The following DEPTOR variants were observed in gnomAD, a reference collection of about 807,000 sequenced individuals.
DEPTOR encodes the protein DEP domain-containing mTOR-interacting protein.
Under a neutral mutation model 41.6 loss-of-function variants are expected in DEPTOR, and 41 were observed. The ratio of observed to expected loss-of-function variants is 0.98; its 90% CI spans 0.77 to 1.28. DEPTOR has a LOEUF of 1.28. DEPTOR is among the 50% of genes most tolerant of loss of function. The pLI, the probability that DEPTOR is intolerant of heterozygous loss-of-function variation, is 0.00. For missense variants in DEPTOR, 514 were observed against 527.9 expected (o/e 0.97, Z 0.26); for synonymous variants, 195 against 192.3 (o/e 1.01, Z -0.12).
intron 3 of DEPTOR, among the ~76,000 whole-genome samples, chr8:119,960,705 C>T (rs1417108827): frequency 6.6e-6 from 1 of 152,074 alleles, no homozygotes; most frequent in African/African-American, 2.4e-5. Flanking sequence ...TTGAGAAAAA[C>T]AAGGTCGAAT....
intron 1 of DEPTOR, among the ~76,000 whole-genome samples, chr8:119,919,037 A>G (rs1174704516): frequency 6.6e-6 from 1 of 152,058 alleles, no homozygotes; most frequent in Non-Finnish European, 1.5e-5. Context: ...CTCTGTTTAT[A>G]TAAACCAGTT....
At chr8:119,942,362 C>T (rs1363656661) in intron 3 of DEPTOR, among the ~76,000 whole-genome samples, 15 of 152,254 alleles carry the variant, frequency 9.9e-5, no homozygotes, top group South Asian at 6.2e-4. Flanking sequence ...TGTGCCACCA[C>T]GCCTGGCTAA....
chr8:120,018,384 C>A (rs892772576), intron 8 of DEPTOR, among the ~76,000 whole-genome samples: 7 of 152,142 alleles, frequency 4.6e-5, no homozygotes, highest in African/African-American at 1.4e-4. Flanking sequence ...TCGAGACCAG[C>A]CTGGCCAACA....
intron 3 of DEPTOR, among the ~76,000 whole-genome samples, chr8:119,933,244 C>T (rs1214347397): frequency 6.6e-6 from 1 of 151,872 alleles, no homozygotes; most frequent in Non-Finnish European, 1.5e-5. Context: ...AATCCCAGCA[C>T]CTTGGGAGGC....
At chr8:119,892,080 C>T (rs1374946743) in intron 1 of DEPTOR, among the ~76,000 whole-genome samples, 2 of 152,114 alleles carry the variant, frequency 1.3e-5, no homozygotes, top group Admixed American at 6.6e-5. Flanking sequence ...CTCACTGCAA[C>T]CTCCACCTCC....
In DEPTOR at chr8:120,006,816, C is replaced by T. The variant is rs1311666394; in HGVS notation, c.937C>T (p.Pro313Ser). Residue 313 changes from proline (P) to serine (S), a missense_variant, in exon 7 of 9, where the codon CCT (proline) becomes TCT (serine). Physicochemically the swap from Pro to Ser is moderately conservative, Grantham distance 74. Coordinates refer to ENST00000286234, the MANE Select transcript of DEPTOR (RefSeq NM_022783.4). The part of the protein sequence containing the change: ...LCNPKSVLKR[P>S]VTSEELLTPG... ...TGTTTGTCTGCCAGTGCTGAAGAGACCTGTCACCTCTGAGGAACTCCTTAC... is the reference window on the plus strand; with the variant it reads ...TGTTTGTCTGCCAGTGCTGAAGAGATCTGTCACCTCTGAGGAACTCCTTAC... 2.5e-6 allele frequency: 4 copies of T among 1,613,976 alleles called. No individual in the cohort carries two copies. Among genetic ancestry groups the T allele is most frequent in the African/African-American group, 1.3e-5 (1 of 74,914 alleles).
At chr8:119,995,491 C>G (rs1044444075) in intron 4 of DEPTOR, among the ~76,000 whole-genome samples, 4 of 151,048 alleles carry the variant, frequency 2.6e-5, no homozygotes, top group African/African-American at 9.7e-5. Context: ...GGGACTAAGG[C>G]AGGAGAGTCA....
In DEPTOR at chr8:119,941,650, G is replaced by A. The variant is rs112689902; in HGVS notation, c.425+11712G>A. Among the ~76,000 whole-genome samples, 77 of 152,256 alleles carry A rather than the reference G, an allele frequency of 5.1e-4. 1 individual carries two copies. The highest frequency in any genetic ancestry group is 1.5e-3 in the African/African-American group (62 of 41,564). On this transcript the variant is annotated intron_variant, in intron 3 of 8. Transcript: ENST00000286234. The stretch of plus-strand genomic sequence containing the variant: ...ATGATGAAGGCAGCAAACCCAGGGC[G>A]AGTAGCCCTTACTGATGCTTATTGT...
intron 4 of DEPTOR, among the ~76,000 whole-genome samples, chr8:119,986,971 G>A (rs1478329970): frequency 6.6e-6 from 1 of 151,796 alleles, no homozygotes; most frequent in African/African-American, 2.4e-5. Flanking sequence ...CACTGGGTCA[G>A]AACATGCTCT....
chr8:119,996,873 T>C (rs1812268272), intron 4 of DEPTOR, among the ~76,000 whole-genome samples: 1 of 152,174 alleles, frequency 6.6e-6, no homozygotes, highest in African/African-American at 2.4e-5. Flanking sequence ...CTTGAGGATT[T>C]TTTAAAAATC....
At chr8:119,895,215 T>C (rs1352167934) in intron 1 of DEPTOR, among the ~76,000 whole-genome samples, 1 of 152,234 alleles carries the variant, frequency 6.6e-6, no homozygotes, top group East Asian at 1.9e-4. Flanking sequence ...CTCATTATTC[T>C]AGTGACTTAA....
At chr8:120,029,665 G>A (rs1172631486) in intron 8 of DEPTOR, among the ~76,000 whole-genome samples, 5 of 152,046 alleles carry the variant, frequency 3.3e-5, no homozygotes, top group Admixed American at 2.0e-4. Context: ...CAAAGTGCTG[G>A]GATTACAGGC....
At chr8:120,044,072 A>C (rs1165254270) in intron 8 of DEPTOR, among the ~76,000 whole-genome samples, 5 of 124,230 alleles carry the variant, frequency 4.0e-5, no homozygotes, top group East Asian at 2.2e-4. Flanking sequence ...CTAGCCTAAC[A>C]AAAAAAAAAA....
intron 8 of DEPTOR, among the ~76,000 whole-genome samples, chr8:120,030,499 T>A (rs1812872437): frequency 1.3e-5 from 1 of 74,564 alleles, no homozygotes; most frequent in African/African-American, 8.3e-5. Context: ...GTTCATCAGT[T>A]TTTTTTTTTT....
chr8:120,028,617 C>T lies in DEPTOR; in HGVS notation c.1101+19484C>T, dbSNP rs770340668. On this transcript the variant is annotated intron_variant, in intron 8 of 8. Transcript: ENST00000286234. The stretch of plus-strand genomic sequence containing the variant: ...CAGGGATTACAGGCGCCTGCCACCA[C>T]ACCCAGCTCATTTTTTGTGTGTTTT... Among the ~76,000 whole-genome samples, 7 of 151,654 alleles carry T rather than the reference C, an allele frequency of 4.6e-5. No individual in the cohort carries two copies. The East Asian group carries it at 1.4e-3, about 30-fold the overall frequency.
chr8:119,972,704 T>G (rs140777596), intron 4 of DEPTOR, among the ~76,000 whole-genome samples: 2 of 151,538 alleles, frequency 1.3e-5, no homozygotes, highest in African/African-American at 4.8e-5. Flanking sequence ...ATCAAGACAG[T>G]CTAGCTTCAG....
At chr8:119,961,034 T>C (rs1343005712) in intron 3 of DEPTOR, among the ~76,000 whole-genome samples, 1 of 151,984 alleles carries the variant, frequency 6.6e-6, no homozygotes, top group East Asian at 1.9e-4. Context: ...TCAAAGTTAT[T>C]AAGTGACTCA....
intron 8 of DEPTOR, among the ~76,000 whole-genome samples, chr8:120,032,853 G>A (rs1231610765): frequency 6.6e-6 from 1 of 152,164 alleles, no homozygotes; most frequent in Non-Finnish European, 1.5e-5. Context: ...TCTGAAAAAT[G>A]TAGCTCTGTT....
intron 4 of DEPTOR, among the ~76,000 whole-genome samples, chr8:119,967,013 G>A (rs139630171): frequency 1.5e-3 from 222 of 152,246 alleles, no homozygotes; most frequent in African/African-American, 4.9e-3. Flanking sequence ...CCTCTCTGCA[G>A]CATTCATTCC....
Sources: gnomAD v4.1 joint callset for allele counts (sites outside exome capture counted in the v4.1 genomes callset) on GRCh38, gnomAD v4.1.1 for gene constraint, MANE v1.5 for transcripts, NCBI Gene and HGNC (gene_info 2026-07-23, HGNC 2026-07-21) for gene names.